Variants in IKZF1 observed in about 807,000 individuals in gnomAD.
The protein encoded by IKZF1 is IKAROS family zinc finger 1, also known as DNA-binding protein Ikaros.
A neutral mutation model predicts 51.7 loss-of-function variants in IKZF1; 10 were observed. The ratio of observed to expected loss-of-function variants is 0.19; its 90% CI spans 0.12 to 0.33. The LOEUF (loss-of-function observed/expected upper bound fraction) is 0.33, where lower values mean the gene tolerates loss of function less well. Among genes scored for constraint, IKZF1 ranks in the 10% least tolerant of loss-of-function variants. The pLI is 1.00. For synonymous variants in IKZF1, 280 were observed against 282.3 expected (o/e 0.99, Z 0.08); for missense variants, 484 against 707.5 (o/e 0.68, Z 3.58).
chr7:50,306,845 A>G (rs1788929460), intron 1 of IKZF1, among the ~76,000 whole-genome samples: 1 of 152,250 alleles, frequency 6.6e-6, no homozygotes, highest in Non-Finnish European at 1.5e-5. Flanking sequence ...CGTGGTTAAT[A>G]TAGCATATTT....
At chr7:50,367,746 G>C in intron 3 of IKZF1, 1 of 435,210 alleles carries the variant, frequency 2.3e-6, no homozygotes, top group Non-Finnish European at 4.2e-6. Flanking sequence ...CTAAGATGTT[G>C]AACCCATCAG....
intron 3 of IKZF1, among the ~76,000 whole-genome samples, chr7:50,375,753 T>G (rs961581610): frequency 8.3e-4 from 98 of 118,764 alleles, no homozygotes; most frequent in Middle Eastern, 6.3e-3. Flanking sequence ...CTTCTTTCCC[T>G]TTGGAAAAAA....
intron 3 of IKZF1, among the ~76,000 whole-genome samples, chr7:50,342,053 A>G (rs1799189424): frequency 6.6e-6 from 1 of 152,236 alleles, no homozygotes; most frequent in Non-Finnish European, 1.5e-5. Context: ...CTCTAAAAGT[A>G]GTTTTTAAAT....
In IKZF1 at chr7:50,396,563, A is replaced by G. The variant is rs1374244938; in HGVS notation, c.851-3355A>G. 2.0e-5 allele frequency among the ~76,000 whole-genome samples: 3 copies of G among 152,164 alleles called. No homozygotes were observed. In the East Asian group the frequency reaches 5.8e-4, roughly 29 times the overall value. On this transcript the variant is annotated intron_variant, in intron 7 of 7. Coordinates refer to ENST00000331340, the MANE Select transcript of IKZF1 (RefSeq NM_006060.6). ...GGAGGGACTCTATGGTCTGTGTTTT[A>G]CTTCCTTTCTTCCCCTGTATTTCTA...
intron 1 of IKZF1, among the ~76,000 whole-genome samples, chr7:50,312,691 A>C (rs1294269249): frequency 6.6e-6 from 1 of 152,232 alleles, no homozygotes; most frequent in Non-Finnish European, 1.5e-5. Flanking sequence ...AGGTTTCCTT[A>C]GTTCCCTTTG....
chr7:50,315,516 C>CA (rs1186510525), intron 1 of IKZF1, among the ~76,000 whole-genome samples: 1 of 152,086 alleles, frequency 6.6e-6, no homozygotes, highest in South Asian at 2.1e-4. Flanking sequence ...CTGCATGCTC[C>CA]AAAAAAACAA....
intron 3 of IKZF1, among the ~76,000 whole-genome samples, chr7:50,332,237 G>A (rs1264994940): frequency 6.6e-6 from 1 of 152,194 alleles, no homozygotes; most frequent in Non-Finnish European, 1.5e-5. Context: ...AGTGTTTTGT[G>A]TGAGAAAAGT....
chr7:50,335,073 G>A (rs1797331044), intron 3 of IKZF1, among the ~76,000 whole-genome samples: 1 of 150,320 alleles, frequency 6.7e-6, no homozygotes, highest in African/African-American at 2.5e-5. Flanking sequence ...GTGTGCATGG[G>A]ATGTGTGGTG....
chr7:50,368,444 A>G (rs1807660174), intron 3 of IKZF1: 1 of 611,464 alleles, frequency 1.6e-6, no homozygotes, highest in Non-Finnish European at 2.9e-6. Context: ...TGGTTTCAAG[A>G]TAATTTTTAC....
intron 3 of IKZF1, among the ~76,000 whole-genome samples, chr7:50,363,846 C>G (rs1483772331): frequency 6.6e-6 from 1 of 152,202 alleles, no homozygotes; most frequent in Non-Finnish European, 1.5e-5. Context: ...CCATCCACCT[C>G]CACCTTGCTG....
chr7:50,366,516 T>C (rs955698860), intron 3 of IKZF1, among the ~76,000 whole-genome samples: 8 of 152,212 alleles, frequency 5.3e-5, no homozygotes, highest in Non-Finnish European at 1.2e-4. Context: ...CATCATGATA[T>C]GTACAGCAGG....
At chr7:50,347,250 A>C (rs1047943409) in intron 3 of IKZF1, among the ~76,000 whole-genome samples, 2 of 152,114 alleles carry the variant, frequency 1.3e-5, no homozygotes, top group African/African-American at 2.4e-5. Flanking sequence ...CCTTTTTTGG[A>C]AACAGCCTAC....
chr7:50,399,860 A>T (rs1817674292), intron 7 of IKZF1, 58 bp from the exon 8 acceptor site: 1 of 1,545,256 alleles, frequency 6.5e-7, no homozygotes, highest in Non-Finnish European at 8.7e-7. Flanking sequence ...TGTTGCTGCC[A>T]GACCTGACCG....
At chr7:50,319,375 GA>G (rs1792504953) in intron 2 of IKZF1, among the ~76,000 whole-genome samples, 1 of 152,056 alleles carries the variant, frequency 6.6e-6, no homozygotes, top group South Asian at 2.1e-4. Flanking sequence ...CTGTTGGAAG[GA>G]AAAATGGCTG....
rs79878316 is a variant in IKZF1, at chr7:50,361,507, G to A, written c.161-15026G>A. Among the ~76,000 whole-genome samples, 3 of 152,100 alleles carry A rather than the reference G, an allele frequency of 2.0e-5. No homozygotes were observed. The East Asian group carries it at 5.8e-4, about 29-fold the overall frequency. The stretch of plus-strand genomic sequence containing the variant: ...CCGGAAGTTGGCTGACATGAAACAG[G>A]CCTAGCAGGGCAGCTGAGGAAATGC... On this transcript the variant is annotated intron_variant, in intron 3 of 7. Transcript: ENST00000331340.
chr7:50,305,659 G>A (rs570392968), intron 1 of IKZF1, among the ~76,000 whole-genome samples: 7 of 152,244 alleles, frequency 4.6e-5, no homozygotes, highest in African/African-American at 1.7e-4. Context: ...GAATTTCAAT[G>A]CGGTGCGCTT....
chr7:50,366,960 A>C (rs1239046675), intron 3 of IKZF1, among the ~76,000 whole-genome samples: 1 of 152,194 alleles, frequency 6.6e-6, no homozygotes, highest in Non-Finnish European at 1.5e-5. Context: ...GATTTGGACT[A>C]CCAGGGAATA....
chr7:50,311,881 A>G (rs1335281524), intron 1 of IKZF1, among the ~76,000 whole-genome samples: 1 of 152,182 alleles, frequency 6.6e-6, no homozygotes, highest in Non-Finnish European at 1.5e-5. Flanking sequence ...TTAAAAAAAA[A>G]TGAAGAAAAA....
Position 50,376,907 on chromosome 7 carries a change from C to T in IKZF1, c.421+114C>T, listed in dbSNP as rs1035250893. On this transcript the variant is annotated intron_variant, in intron 4 of 7. Transcript: ENST00000331340. The surrounding 1 kb of genome is among the most constrained non-coding windows in gnomAD (Gnocchi z 4.5). ...GAGCATGTTTCTAATTGACTGGTAGCTCAGTTGTTGCAAGCGATTGGTTCC... is the reference window on the plus strand; with the variant it reads ...GAGCATGTTTCTAATTGACTGGTAGTTCAGTTGTTGCAAGCGATTGGTTCC... The T allele has an allele frequency of 3.6e-5, 53 of 1,484,072 alleles. No homozygotes were observed. The highest frequency in any genetic ancestry group is 2.4e-4 in the Middle Eastern group (1 of 4,246). 91.9% of individuals were successfully genotyped at this position (1,484,072 alleles called of 1,614,324 possible).
Sources: allele counts gnomAD v4.1 joint callset (sites outside exome capture counted in the v4.1 genomes callset), GRCh38; gene constraint gnomAD v4.1.1; non-coding constraint Gnocchi (gnomAD v3.1); transcripts MANE v1.5; gene names NCBI Gene and HGNC (gene_info 2026-07-23, HGNC 2026-07-21).